Variants in ABCC9 observed in about 807,000 individuals in gnomAD.
The protein encoded by ABCC9 is ATP-binding cassette sub-family C member 9.
ABCC9 carries 95 observed loss-of-function variants against 188.3 expected under a neutral mutation model. The observed-to-expected ratio is 0.50, with a 90% CI of 0.43 to 0.60. The LOEUF (loss-of-function observed/expected upper bound fraction) is 0.60, where lower values mean the gene tolerates loss of function less well. ABCC9 is among the 20% of genes least tolerant of loss of function. ABCC9 has a pLI of 0.00. For synonymous variants in ABCC9, 659 were observed against 652.7 expected, an observed-to-expected ratio of 1.01 and a Z score of -0.15; for missense variants, 1,102 against 1,876.3, an observed-to-expected ratio of 0.59 and a Z score of 7.62.
At chr12:21,875,572 C>G in intron 17 of ABCC9, 82 bp downstream of exon 17, 1 of 1,052,164 alleles carries the variant, frequency 9.5e-7, no homozygotes, top group East Asian at 2.4e-5. Flanking sequence ...TAAAAAGTAT[C>G]TTTTTGTTAG....
chr12:21,868,378 G>A (rs1475315200), intron 18 of ABCC9, among the ~76,000 whole-genome samples: 1 of 152,164 alleles, frequency 6.6e-6, no homozygotes, highest in Non-Finnish European at 1.5e-5. Flanking sequence ...GGTGGCTCAC[G>A]CCTGTAATCC....
At chr12:21,841,342 G>GT (rs1047501911) in intron 29 of ABCC9, among the ~76,000 whole-genome samples, 31 of 115,186 alleles carry the variant, frequency 2.7e-4, no homozygotes, top group African/African-American at 4.6e-4. Context: ...TATGTTTCTG[G>GT]TTTCCTTTTT....
chr12:21,814,835 A>G, intron 34 of ABCC9, 113 bp from the exon 35 acceptor site: 2 of 823,348 alleles, frequency 2.4e-6, no homozygotes, highest in South Asian at 2.9e-5. Context: ...TTATGTTTAA[A>G]TAATTACATT....
intron 7 of ABCC9, among the ~76,000 whole-genome samples, 154 bp downstream of exon 7, chr12:21,915,514 A>ATATATATATATATATATATTTT: frequency 2.8e-4 from 1 of 3,520 alleles, no homozygotes; most frequent in Non-Finnish European, 4.7e-4. Context: ...ATATATATAT[A>ATATATATATATATATATATTTT]TTTTTTTTTT....
At chr12:21,876,532 G>T (rs894641626) in intron 16 of ABCC9, among the ~76,000 whole-genome samples, 1 of 152,164 alleles carries the variant, frequency 6.6e-6, no homozygotes, top group African/African-American at 2.4e-5. Flanking sequence ...AGGCAACATT[G>T]CTTGTGGTAT....
At chr12:21,900,055 C>T (rs767897601) in intron 12 of ABCC9, among the ~76,000 whole-genome samples, 6 of 152,300 alleles carry the variant, frequency 3.9e-5, no homozygotes, top group African/African-American at 1.4e-4. Context: ...CTGGGAGGCA[C>T]CCCCAGTAGG....
At chr12:21,903,956 A>AG (rs960378337) in intron 12 of ABCC9, among the ~76,000 whole-genome samples, 147 of 152,358 alleles carry the variant, frequency 9.6e-4, no homozygotes, top group African/African-American at 3.5e-3. Context: ...GAACCAAAAA[A>AG]GAGCCCACAT....
chr12:21,931,397 T>TAA (rs746472646), intron 4 of ABCC9, among the ~76,000 whole-genome samples: 2 of 143,184 alleles, frequency 1.4e-5, no homozygotes, highest in African/African-American at 5.1e-5. Flanking sequence ...TTTACTTTAT[T>TAA]AAAAAAAAAA....
At chr12:21,922,995 T>A (rs975871326) in intron 5 of ABCC9, 1 of 148,734 alleles carries the variant, frequency 6.7e-6, no homozygotes, top group Non-Finnish European at 1.5e-5. Context: ...ATTTGATTTA[T>A]TTTTTTTTAC....
rs1948929003 is a variant in ABCC9, at chr12:21,923,722, ATATG to A, written c.406+2216_406+2219del. ...TGGGAAAAGATGTCAGTTTCTTAAA[ATATG>A]AACATTTACCCACTTATTGTATGAC... is the stretch of plus-strand genomic sequence containing the variant. On this transcript the variant is annotated intron_variant, in intron 5 of 39. Transcript: ENST00000261200. 3 of 621,692 alleles carry A rather than the reference ATATG, an allele frequency of 4.8e-6. No homozygotes were observed. In the South Asian group the frequency reaches 5.5e-5, roughly 11 times the overall value. The allele number at this position is 621,692 out of a possible 1,614,324, so 38.5% of individuals were successfully genotyped here. A position where few individuals can be genotyped will look rare whatever the true frequency, so the allele number is the denominator to read the frequency against.
At chr12:21,885,861 T>G (rs1403742300) in intron 15 of ABCC9, among the ~76,000 whole-genome samples, 1 of 152,182 alleles carries the variant, frequency 6.6e-6, no homozygotes, top group Non-Finnish European at 1.5e-5. Context: ...GATTGCCTTT[T>G]TTAGCAGTTT....
rs954124408 is a variant in ABCC9 at position 21,830,836 on chromosome 12, C to T, written c.3567-1776G>A. Among the ~76,000 whole-genome samples, 4 of 152,242 alleles carry T rather than the reference C, an allele frequency of 2.6e-5. No individual in the cohort carries two copies. The East Asian group carries it at 7.7e-4, about 29-fold the overall frequency. On this transcript the variant is annotated intron_variant, in intron 30 of 39. Transcript: ENST00000261200. ...AGGACCTGGCCTGAATGGCAGCACT[C>T]ATGCTGTGGGACTAAGCAGTCCAAG...
chr12:21,894,264 T>G, intron 13 of ABCC9, 90 bp from the exon 14 acceptor site: 1 of 1,371,822 alleles, frequency 7.3e-7, no homozygotes, highest in Non-Finnish European at 1.0e-6. Context: ...TATTCTGCTA[T>G]GCCAGTATGT....
rs1945000777 is a variant in ABCC9, at chr12:21,852,127, A to G, written c.2739T>C (p.Leu913=). The G allele has an allele frequency of 6.2e-7, 1 of 1,613,642 alleles. No homozygotes were observed. Among genetic ancestry groups the G allele is most frequent in the African/African-American group, 1.3e-5 (1 of 74,932 alleles). ...CTAATTCTTGATCTTGCCGATTCATAAGTGTTTTCCAGTGTTCATAAAGCT... is the reference window on the plus strand; with the variant it reads ...CTAATTCTTGATCTTGCCGATTCATGAGTGTTTTCCAGTGTTCATAAAGCT... ...DVELYEHWKT[L]MNRQDQELEK... Residue 913 remains leucine (L), a synonymous_variant, in exon 24 of 40, where the codon CTT becomes CTC. Coordinates refer to ENST00000261200, the MANE Select transcript of ABCC9 (RefSeq NM_020297.4).
Position 21,799,309 on chromosome 12 carries a change from T to G in ABCC9, c.*1735A>C, listed in dbSNP as rs1245181411. Reference sequence around the variant, plus strand: ...ATTACTTCCATGGGTAAAAACCCATTTCTCTATGAGAATGAATTATTACTT... The same window carrying G: ...ATTACTTCCATGGGTAAAAACCCATGTCTCTATGAGAATGAATTATTACTT... On this transcript the variant is annotated 3_prime_UTR_variant, in exon 40 of 40. Coordinates refer to ENST00000261200, the MANE Select transcript of ABCC9 (RefSeq NM_020297.4). 6.6e-6 allele frequency: 1 copy of G among 151,916 alleles called. No individual in the cohort carries two copies. Among genetic ancestry groups the G allele is most frequent in the Non-Finnish European group, 1.5e-5 (1 of 67,936 alleles). The allele number at this position is 151,916 out of a possible 1,614,324, so 9.4% of individuals were successfully genotyped here.
chr12:21,900,242 G>T (rs1947664852), intron 12 of ABCC9, among the ~76,000 whole-genome samples: 1 of 152,218 alleles, frequency 6.6e-6, no homozygotes, highest in African/African-American at 2.4e-5. Context: ...ACCTGCAGCT[G>T]AGGGTCCTGA....
rs552865610 is a variant in ABCC9, at chr12:21,940,927, A to T, written c.-136-102T>A. 10 of 152,320 alleles carry T rather than the reference A, an allele frequency of 6.6e-5. No homozygotes were observed. In the South Asian group the frequency reaches 1.7e-3, roughly 25 times the overall value. The allele number at this position is 152,320 out of a possible 1,614,324, so 9.4% of individuals were successfully genotyped here. On this transcript the variant is annotated intron_variant, in intron 1 of 39. Transcript: ENST00000261200. ...AAAGGCGGTAATAATAACTCCTAAT[A>T]ATAATAACTCCTTTCACTGTTTCCA...
chr12:21,870,428 T>C (rs1249616834), intron 18 of ABCC9, among the ~76,000 whole-genome samples: 1 of 152,096 alleles, frequency 6.6e-6, no homozygotes. Flanking sequence ...TGCTTATTTT[T>C]AAATTTTTTT....
chr12:21,829,453 G>A (rs1157086694), intron 30 of ABCC9, among the ~76,000 whole-genome samples: 5 of 152,002 alleles, frequency 3.3e-5, no homozygotes, highest in Non-Finnish European at 5.9e-5. Context: ...CGCCCACCTT[G>A]GCCTCCCAAA....
Sources: allele counts gnomAD v4.1 joint callset (sites outside exome capture counted in the v4.1 genomes callset), GRCh38; gene constraint gnomAD v4.1.1; transcripts MANE v1.5; gene names NCBI Gene and HGNC (gene_info 2026-07-23, HGNC 2026-07-21).